The following OR2L5 variants were observed in gnomAD, a reference collection of about 807,000 sequenced individuals.
OR2L5 encodes olfactory receptor 2L5.
For missense variants in OR2L5, 413 were observed against 381.6 expected (o/e 1.08, Z -0.69); for synonymous variants, 169 against 142.0 (o/e 1.19, Z -1.35).
Position 248,022,922 on chromosome 1 carries a change from C to T in OR2L5, c.*36C>T. The T allele has an allele frequency of 6.4e-7, 1 of 1,550,844 alleles. No homozygotes were observed. Among genetic ancestry groups the T allele is most frequent in the Non-Finnish European group, 8.7e-7 (1 of 1,144,746 alleles). On this transcript the variant is annotated 3_prime_UTR_variant, in exon 2 of 2. Transcript: ENST00000355281. Reference sequence around the variant, plus strand: ...TGTGTTAGAGTCAAAGCGCTAGGTTCATATCAACTCAGCAGTGTACAGCAG... The same window carrying T: ...TGTGTTAGAGTCAAAGCGCTAGGTTTATATCAACTCAGCAGTGTACAGCAG...
chr1:248,019,046 A>G (rs113552223), intron 1 of OR2L5, among the ~76,000 whole-genome samples: 3 of 152,246 alleles, frequency 2.0e-5, no homozygotes, highest in Admixed American at 6.5e-5. Flanking sequence ...TTCTCTGTGG[A>G]CGGACACTTG....
chr1:248,018,937 G>A (rs921573102), intron 1 of OR2L5, among the ~76,000 whole-genome samples: 4 of 152,082 alleles, frequency 2.6e-5, no homozygotes, highest in Non-Finnish European at 5.9e-5. Flanking sequence ...TTTGCATAAT[G>A]TAATCAAAGT....
At chr1:248,021,899 C>G in intron 1 of OR2L5, 28 bp from the exon 2 acceptor site, 1 of 1,481,534 alleles carries the variant, frequency 6.7e-7, no homozygotes, top group Non-Finnish European at 9.3e-7. Context: ...AACTACTGTA[C>G]TTGACTTACC....
chr1:248,017,694 A>T (rs1662231954), intron 1 of OR2L5, among the ~76,000 whole-genome samples: 1 of 151,938 alleles, frequency 6.6e-6, no homozygotes. Context: ...TGTCTTTTCT[A>T]CCCGGTGGTC....
rs373780743 is a variant in OR2L5 at position 248,017,084 on chromosome 1, G to A, written c.-22+3346G>A. Among the ~76,000 whole-genome samples, 8 of 152,122 alleles carry A rather than the reference G, an allele frequency of 5.3e-5. No homozygotes were observed. In the East Asian group the frequency reaches 1.2e-3, roughly 22 times the overall value. On this transcript the variant is annotated intron_variant, in intron 1 of 1. Coordinates refer to ENST00000355281, the MANE Select transcript of OR2L5 (RefSeq NM_001258284.2). ...TCCTAATCGCTGTGAAACTATCATC[G>A]GAATCTTTTCTCCTTGCTTTTTCAT...
intron 1 of OR2L5, among the ~76,000 whole-genome samples, chr1:248,018,930 G>T (rs1201304926): frequency 6.6e-6 from 1 of 152,076 alleles, no homozygotes; most frequent in African/African-American, 2.4e-5. Flanking sequence ...ATTTCACTTT[G>T]CATAATGTAA....
intron 1 of OR2L5, among the ~76,000 whole-genome samples, chr1:248,015,861 A>C (rs1222417681): frequency 6.6e-6 from 1 of 152,194 alleles, no homozygotes; most frequent in African/African-American, 2.4e-5. Flanking sequence ...ATGAATAATG[A>C]TTTCTCTTTG....
At chr1:248,018,913 G>T (rs1478233466) in intron 1 of OR2L5, among the ~76,000 whole-genome samples, 1 of 152,136 alleles carries the variant, frequency 6.6e-6, no homozygotes, top group Non-Finnish European at 1.5e-5. Flanking sequence ...TTGCCTCTTT[G>T]TGGCTTATTT....
chr1:248,021,819 G>T (rs1662341674), intron 1 of OR2L5, 108 bp from the exon 2 acceptor site: 4 of 653,812 alleles, frequency 6.1e-6, no homozygotes, highest in African/African-American at 3.7e-5. Flanking sequence ...GTGTATATAG[G>T]GTTCAGTGTC....
chr1:248,018,770 A>G (rs895169549), intron 1 of OR2L5, among the ~76,000 whole-genome samples: 1 of 152,170 alleles, frequency 6.6e-6, no homozygotes, highest in African/African-American at 2.4e-5. Flanking sequence ...ATTTTCTCCA[A>G]CTAAAATTGT....
chr1:248,014,043 A>G (rs961824579), intron 1 of OR2L5, among the ~76,000 whole-genome samples: 3 of 152,276 alleles, frequency 2.0e-5, no homozygotes, highest in African/African-American at 4.8e-5. Context: ...AAAAACCCAT[A>G]TTCACAATAA....
At chr1:248,016,244 A>G (rs934601238) in intron 1 of OR2L5, among the ~76,000 whole-genome samples, 2 of 152,252 alleles carry the variant, frequency 1.3e-5, no homozygotes, top group African/African-American at 2.4e-5. Context: ...CACCATTTGT[A>G]GAATTGTAAT....
At chr1:248,015,583 A>C (rs1662177983) in intron 1 of OR2L5, among the ~76,000 whole-genome samples, 1 of 152,124 alleles carries the variant, frequency 6.6e-6, no homozygotes, top group African/African-American at 2.4e-5. Flanking sequence ...AAGAAAGATC[A>C]CTTTCTGGAA....
At position 248,022,365 on chromosome 1, in the gene OR2L5, T is replaced by G. The variant is rs1297061525; in HGVS notation, c.418T>G (p.Tyr140Asp). 6.2e-7 allele frequency: 1 copy of G among 1,614,190 alleles called. No homozygotes were observed. The highest frequency in any genetic ancestry group is 1.1e-5 in the South Asian group (1 of 91,084). The change falls in exon 2 of 2, where the codon TAT becomes GAT. Residue 140 changes from tyrosine (Y) to aspartate (D), a missense_variant. By Grantham distance (160) the Tyr-to-Asp change is radical. Coordinates refer to ENST00000355281, the MANE Select transcript of OR2L5 (RefSeq NM_001258284.2). ...TCCCATCCGTATGAGCAAAAGAATG[T>G]ATGTGCTGATGATAACAGGATCTTG... Reference protein sequence around the residue: ...HYPIRMSKRMYVLMITGSWMI... With the variant: ...HYPIRMSKRMDVLMITGSWMI...
At chr1:248,020,864 A>G (rs969407845) in intron 1 of OR2L5, among the ~76,000 whole-genome samples, 3 of 151,386 alleles carry the variant, frequency 2.0e-5, no homozygotes, top group African/African-American at 7.3e-5. Flanking sequence ...GCTTTGCATA[A>G]TAATTCCAAG....
chr1:248,021,548 G>GCCTA (rs1662335367), intron 1 of OR2L5, among the ~76,000 whole-genome samples: 3 of 152,210 alleles, frequency 2.0e-5, no homozygotes, highest in Middle Eastern at 6.8e-3. Flanking sequence ...GCATCATAGT[G>GCCTA]CCTACATTGT....
chr1:248,022,105 A>G lies in OR2L5; in HGVS notation c.158A>G (p.His53Arg), dbSNP rs545997480. 1 of 1,613,842 alleles carries G rather than the reference A, an allele frequency of 6.2e-7. No homozygotes were observed. Among genetic ancestry groups the G allele is most frequent in the East Asian group, 2.2e-5 (1 of 44,864 alleles). The change falls in exon 2 of 2, where the codon CAT (histidine) becomes CGT (arginine). Residue 53 changes from histidine (H) to arginine (R), a missense_variant. His to Arg is a conservative substitution (Grantham distance 29, BLOSUM62 0). Transcript: ENST00000355281. ...SMILLIFLDT[H>R]LHTPMYFLLS... Reference sequence around the variant, plus strand: ...ATTCTTCTCATCTTCTTGGACACCCATCTCCACACACCCATGTATTTCCTG... The same window carrying G: ...ATTCTTCTCATCTTCTTGGACACCCGTCTCCACACACCCATGTATTTCCTG...
chr1:248,017,226 G>A (rs1370875913), intron 1 of OR2L5, among the ~76,000 whole-genome samples: 1 of 152,122 alleles, frequency 6.6e-6, no homozygotes, highest in African/African-American at 2.4e-5. Context: ...AGCTAATTCT[G>A]TGGATAAAAA....
At chr1:248,014,106 T>G (rs1383778663) in intron 1 of OR2L5, among the ~76,000 whole-genome samples, 1 of 152,090 alleles carries the variant, frequency 6.6e-6, no homozygotes, top group Non-Finnish European at 1.5e-5. Flanking sequence ...GATTTTTTGG[T>G]TTTGGTTTGA....
Sources: gnomAD v4.1 joint callset for allele counts (sites outside exome capture counted in the v4.1 genomes callset) on GRCh38, gnomAD v4.1.1 for gene constraint, MANE v1.5 for transcripts, NCBI Gene and HGNC (gene_info 2026-07-23, HGNC 2026-07-21) for gene names.